The following RBFOX1 variants were observed in gnomAD, a reference collection of about 807,000 sequenced individuals.
RBFOX1 encodes the protein RNA binding fox-1 homolog 1, also known as RNA binding protein fox-1 homolog 1.
RBFOX1 carries 8 observed loss-of-function variants against 57.7 expected under a neutral mutation model. The ratio of observed to expected loss-of-function variants is 0.14; its 90% confidence interval spans 0.08 to 0.25. The LOEUF (loss-of-function observed/expected upper bound fraction) is 0.25. RBFOX1 is among the 10% of genes least tolerant of loss of function. RBFOX1 has a pLI of 1.00. For synonymous variants in RBFOX1, 326 were observed against 222.4 expected (o/e 1.47, Z -4.15); for missense variants, 611 against 548.5 (o/e 1.11, Z -1.14).
intron 2 of RBFOX1, among the ~76,000 whole-genome samples, chr16:6,582,073 A>G (rs987080045): frequency 3.3e-5 from 5 of 152,302 alleles, no homozygotes; most frequent in East Asian, 3.9e-4. Flanking sequence ...CCAGCTCCCC[A>G]CCCAACAAAG....
chr16:5,915,487 C>A (rs996256011), intron 4 of RBFOX1, among the ~76,000 whole-genome samples: 4 of 152,070 alleles, frequency 2.6e-5, no homozygotes, highest in African/African-American at 9.7e-5. Context: ...GTGAATGAGA[C>A]GGCAGGGTTC....
intron 1 of RBFOX1, among the ~76,000 whole-genome samples, chr16:5,284,022 T>C (rs144616670): frequency 3.5e-4 from 53 of 152,258 alleles, no homozygotes; most frequent in East Asian, 2.7e-3. Context: ...AATTGAGTCA[T>C]GGGGGCATGT....
At chr16:6,489,511 G>T (rs4786873) in intron 2 of RBFOX1, among the ~76,000 whole-genome samples, 33,144 of 152,030 alleles carry the variant, frequency 0.22, 4,244 homozygotes, top group Non-Finnish European at 0.29. Context: ...CTTCTAAGTG[G>T]CAGAGCTGGG....
At chr16:7,156,977 C>T (rs1038305946) in intron 4 of RBFOX1, among the ~76,000 whole-genome samples, 3 of 152,180 alleles carry the variant, frequency 2.0e-5, no homozygotes, top group Non-Finnish European at 4.4e-5. Context: ...AAAAACACTT[C>T]CCTTATAACA....
At chr16:6,851,412 C>G (rs1363355226) in intron 3 of RBFOX1, among the ~76,000 whole-genome samples, 3 of 152,062 alleles carry the variant, frequency 2.0e-5, no homozygotes, top group Non-Finnish European at 4.4e-5. Flanking sequence ...GTCATGGGCT[C>G]TCTGTATATT....
intron 2 of RBFOX1, among the ~76,000 whole-genome samples, chr16:6,601,546 C>G (rs559660225): frequency 6.6e-6 from 1 of 152,206 alleles, no homozygotes; most frequent in East Asian, 1.9e-4. Context: ...TTTGCAAGCA[C>G]CCTATGCTTG....
chr16:5,518,618 C>G (rs1001727833), intron 2 of RBFOX1, among the ~76,000 whole-genome samples: 1 of 152,146 alleles, frequency 6.6e-6, no homozygotes, highest in Non-Finnish European at 1.5e-5. Context: ...GTTTGAAGTC[C>G]AGGACCAGAC....
intron 4 of RBFOX1, among the ~76,000 whole-genome samples, chr16:7,148,435 A>G (rs1261190724): frequency 6.6e-6 from 1 of 152,142 alleles, no homozygotes; most frequent in Non-Finnish European, 1.5e-5. Context: ...TTCCTTCTCT[A>G]TGTATTTTAA....
At chr16:7,043,115 G>T (rs1486334274) in intron 3 of RBFOX1, among the ~76,000 whole-genome samples, 1 of 146,036 alleles carries the variant, frequency 6.8e-6, no homozygotes, top group South Asian at 2.2e-4. Flanking sequence ...TATCCTTGGG[G>T]AGGTCCTCCC....
At chr16:6,228,493 GA>G (rs1361935232) in intron 1 of RBFOX1, among the ~76,000 whole-genome samples, 2 of 151,844 alleles carry the variant, frequency 1.3e-5, no homozygotes, top group Middle Eastern at 3.2e-3. Context: ...AAAAAAGAAG[GA>G]AATTCTGCCC....
intron 1 of RBFOX1, among the ~76,000 whole-genome samples, chr16:6,267,873 C>G (rs913533523): frequency 3.9e-5 from 6 of 152,152 alleles, no homozygotes; most frequent in Admixed American, 3.9e-4. Context: ...AGCATGAAAG[C>G]TTTAAATGGG....
At chr16:7,354,979 T>TA (rs1373524052) in intron 4 of RBFOX1, among the ~76,000 whole-genome samples, 1 of 152,202 alleles carries the variant, frequency 6.6e-6, no homozygotes, top group Non-Finnish European at 1.5e-5. Flanking sequence ...ACATGACAAA[T>TA]AATGATTATA....
At chr16:6,745,279 C>A (rs1468225285) in intron 3 of RBFOX1, among the ~76,000 whole-genome samples, 3 of 152,008 alleles carry the variant, frequency 2.0e-5, no homozygotes, top group Admixed American at 6.6e-5. Context: ...AAGGAAGTTA[C>A]ATTTCCCAAT....
At chr16:7,630,464 T>G in intron 10 of RBFOX1, 139 bp from the exon 11 acceptor site, 2 of 1,503,120 alleles carry the variant, frequency 1.3e-6, no homozygotes, top group African/African-American at 1.4e-5. Flanking sequence ...GCAGGGGGCT[T>G]TGTTGGGTAC....
intron 4 of RBFOX1, among the ~76,000 whole-genome samples, chr16:7,432,023 C>G (rs1454439657): frequency 6.6e-6 from 1 of 152,230 alleles, no homozygotes; most frequent in Non-Finnish European, 1.5e-5. Flanking sequence ...GCTCCTTCCA[C>G]TTGCTTTCCT....
chr16:7,347,237 CA>C (rs1372942204), intron 4 of RBFOX1, among the ~76,000 whole-genome samples: 1 of 152,168 alleles, frequency 6.6e-6, no homozygotes, highest in East Asian at 1.9e-4. Flanking sequence ...CTGATAAAGA[CA>C]TACCGGAGAC....
intron 3 of RBFOX1, among the ~76,000 whole-genome samples, chr16:6,901,902 A>C (rs1167182652): frequency 6.6e-6 from 1 of 152,124 alleles, no homozygotes; most frequent in Non-Finnish European, 1.5e-5. Context: ...ACTGGGGTTT[A>C]TTTGCCATCT....
At chr16:7,595,827 T>C (rs1488606728) in intron 8 of RBFOX1, among the ~76,000 whole-genome samples, 186 bp downstream of exon 8, 1 of 150,048 alleles carries the variant, frequency 6.7e-6, no homozygotes. Flanking sequence ...AATTTTACTT[T>C]ATTATGTTAC....
intron 3 of RBFOX1, among the ~76,000 whole-genome samples, chr16:7,009,586 A>G (rs1039254302): frequency 2.6e-5 from 4 of 152,178 alleles, no homozygotes; most frequent in African/African-American, 7.2e-5. Context: ...TAACGATGCC[A>G]CATCCAGCTA....
Sources: allele counts gnomAD v4.1 joint callset (sites outside exome capture counted in the v4.1 genomes callset), GRCh38; gene constraint gnomAD v4.1.1; transcripts MANE v1.5; gene names NCBI Gene and HGNC (gene_info 2026-07-23, HGNC 2026-07-21).